Variants in GSK3B observed in about 807,000 individuals in gnomAD.
GSK3B encodes the protein glycogen synthase kinase-3 beta.
GSK3B carries 15 observed loss-of-function variants against 56.4 expected under a neutral mutation model. The observed-to-expected ratio is 0.27, with a 90% CI of 0.18 to 0.41. GSK3B has a LOEUF of 0.41. Ranked by LOEUF, GSK3B falls within the 10% of genes least tolerant of loss-of-function variation. The pLI is 1.00. For missense variants in GSK3B, 300 were observed against 513.4 expected (o/e 0.58, Z 4.02); for synonymous variants, 181 against 188.9 (o/e 0.96, Z 0.34).
At chr3:120,015,226 G>A (rs1241624484) in intron 1 of GSK3B, among the ~76,000 whole-genome samples, 1 of 152,204 alleles carries the variant, frequency 6.6e-6, no homozygotes, top group Non-Finnish European at 1.5e-5. Context: ...ATTAGCAGTG[G>A]AAATAGGAAA....
At chr3:119,881,572 C>G (rs977330190) in intron 7 of GSK3B, among the ~76,000 whole-genome samples, 3 of 152,208 alleles carry the variant, frequency 2.0e-5, no homozygotes, top group Non-Finnish European at 4.4e-5. Context: ...ATATTCAGTA[C>G]TTTGCTAACA....
Position 119,954,040 on chromosome 3 carries a change from C to A in GSK3B, c.283-6689G>T, listed in dbSNP as rs189917488. Among the ~76,000 whole-genome samples, 60 of 152,142 alleles carry A rather than the reference C, an allele frequency of 3.9e-4. 1 individual carries two copies. Among genetic ancestry groups the A allele is most frequent in the African/African-American group, 1.4e-3 (60 of 41,530 alleles). On this transcript the variant is annotated intron_variant, in intron 2 of 10. Coordinates refer to ENST00000264235, the MANE Select transcript of GSK3B (RefSeq NM_001146156.2). ...ACACACACTCACAAACCCTGCCCAA[C>A]CAACATACTATAAGTGTTTTAAGAA...
chr3:119,930,139 ACAC>A (rs1315031612), intron 3 of GSK3B, among the ~76,000 whole-genome samples: 2 of 151,352 alleles, frequency 1.3e-5, no homozygotes, highest in Non-Finnish European at 2.9e-5. Context: ...GCATGCACAC[ACAC>A]ATTTATTTAA....
At chr3:120,000,282 G>A (rs1456568150) in intron 2 of GSK3B, among the ~76,000 whole-genome samples, 4 of 152,208 alleles carry the variant, frequency 2.6e-5, no homozygotes, top group Non-Finnish European at 4.4e-5. Flanking sequence ...GATTTCCATT[G>A]AGTCTTAAAA....
At chr3:119,922,658 ACATT>A (rs1223167803) in intron 4 of GSK3B, among the ~76,000 whole-genome samples, 2 of 151,686 alleles carry the variant, frequency 1.3e-5, no homozygotes, top group Non-Finnish European at 2.9e-5. Context: ...TAACCATAAG[ACATT>A]CAGAGTCAAT....
intron 2 of GSK3B, among the ~76,000 whole-genome samples, chr3:119,971,749 C>A (rs2057369626): frequency 6.8e-6 from 1 of 147,620 alleles, no homozygotes; most frequent in South Asian, 2.1e-4. Context: ...GTAGCTGGGA[C>A]TACAGGCGCC....
intron 1 of GSK3B, among the ~76,000 whole-genome samples, chr3:120,083,133 T>C (rs2107579355): frequency 6.6e-6 from 1 of 152,274 alleles, no homozygotes; most frequent in African/African-American, 2.4e-5. Flanking sequence ...TTAACTGCCC[T>C]TTTGGAACAA....
chr3:120,080,268 TAAAC>T (rs550613277), intron 1 of GSK3B, among the ~76,000 whole-genome samples: 85 of 150,866 alleles, frequency 5.6e-4, no homozygotes, highest in African/African-American at 1.6e-3. Flanking sequence ...TACAATCTGA[TAAAC>T]AGAGCAAGAT....
chr3:119,885,804 T>G (rs529582744), intron 7 of GSK3B, among the ~76,000 whole-genome samples: 1 of 152,140 alleles, frequency 6.6e-6, no homozygotes, highest in East Asian at 1.9e-4. Flanking sequence ...GGGGAAAGGA[T>G]TCCCTATTCA....
chr3:119,864,758 A>G (rs1180641925), intron 8 of GSK3B, among the ~76,000 whole-genome samples: 3 of 152,276 alleles, frequency 2.0e-5, no homozygotes, highest in Non-Finnish European at 4.4e-5. Context: ...TACAGAGCTC[A>G]TTAGACTTTC....
Position 119,825,908 on chromosome 3 carries a change from C to T in GSK3B, c.*880G>A, listed in dbSNP as rs915900379. ...CTGACCTGTCCCCTTCCTCTGGGCT[C>T]ATCAGCCTTTGACCTCAGCAGCTAG... On this transcript the variant is annotated 3_prime_UTR_variant, in exon 11 of 11. Coordinates refer to ENST00000264235, the MANE Select transcript of GSK3B (RefSeq NM_001146156.2). 1.8e-4 allele frequency: 38 copies of T among 216,628 alleles called. No homozygotes were observed. The highest frequency in any genetic ancestry group is 8.5e-4 in the African/African-American group (38 of 44,474). 13.4% of individuals were successfully genotyped at this position (216,628 alleles called of 1,614,324 possible).
intron 9 of GSK3B, among the ~76,000 whole-genome samples, chr3:119,859,877 T>C (rs116259737): frequency 0.026 from 3,931 of 152,242 alleles, 172 homozygotes; most frequent in African/African-American, 0.089. Flanking sequence ...AAATCACTGC[T>C]TCTTCTGGCC....
chr3:120,070,208 T>C (rs2058315036), intron 1 of GSK3B, among the ~76,000 whole-genome samples: 1 of 135,816 alleles, frequency 7.4e-6, no homozygotes, highest in African/African-American at 2.9e-5. Flanking sequence ...CAAGACTCCA[T>C]CTCAAAAAAC....
chr3:119,944,484 C>CT (rs2057081050), intron 3 of GSK3B, among the ~76,000 whole-genome samples: 1 of 152,124 alleles, frequency 6.6e-6, no homozygotes, highest in African/African-American at 2.4e-5. Context: ...CACTGGTTTC[C>CT]TTGCAGTTCT....
chr3:119,979,831 T>C (rs1014961438), intron 2 of GSK3B, among the ~76,000 whole-genome samples: 1 of 152,218 alleles, frequency 6.6e-6, no homozygotes, highest in Admixed American at 6.5e-5. Context: ...GTTTTCCTTA[T>C]GGAAACCGTG....
At chr3:120,001,049 C>T (rs79115692) in intron 2 of GSK3B, among the ~76,000 whole-genome samples, 15,682 of 151,090 alleles carry the variant, frequency 0.1, 929 homozygotes, top group African/African-American at 0.16. Context: ...TTCAGCCTCC[C>T]AAGTAGCTGG....
intron 1 of GSK3B, among the ~76,000 whole-genome samples, chr3:120,088,934 T>C (rs921514085): frequency 2.0e-5 from 3 of 152,240 alleles, no homozygotes; most frequent in African/African-American, 7.2e-5. Context: ...CATATGCATG[T>C]TTCACAGCCT....
intron 4 of GSK3B, among the ~76,000 whole-genome samples, chr3:119,922,444 T>C (rs1469491490): frequency 1.4e-5 from 2 of 147,940 alleles, no homozygotes; most frequent in African/African-American, 2.5e-5. Flanking sequence ...CAATATATAG[T>C]GTATATTATA....
chr3:119,917,715 T>G (rs1400789859), intron 4 of GSK3B, among the ~76,000 whole-genome samples: 1 of 151,824 alleles, frequency 6.6e-6, no homozygotes, highest in Non-Finnish European at 1.5e-5. Context: ...AATTTTAAGA[T>G]GTCTTTTTAC....
Sources: gnomAD v4.1 joint callset for allele counts (sites outside exome capture counted in the v4.1 genomes callset) on GRCh38, gnomAD v4.1.1 for gene constraint, MANE v1.5 for transcripts, NCBI Gene and HGNC (gene_info 2026-07-23, HGNC 2026-07-21) for gene names.